Variants in REV1 observed in about 807,000 individuals in gnomAD.
REV1 encodes the protein translesion synthesis protein REV1.
A neutral mutation model predicts 137.4 loss-of-function variants in REV1; 42 were observed. That is an observed-to-expected ratio of 0.31 (90% confidence interval 0.24 to 0.40). The LOEUF (loss-of-function observed/expected upper bound fraction) is 0.40, where lower values mean the gene tolerates loss of function less well. Among genes scored for constraint, REV1 ranks in the 10% least tolerant of loss-of-function variants. The pLI is 1.00. For missense variants in REV1, 1,282 were observed against 1,490.1 expected (o/e 0.86, Z 2.30); for synonymous variants, 524 against 519.2 (o/e 1.01, Z -0.12).
At chr2:99,478,081 A>T (rs1370491251) in intron 1 of REV1, among the ~76,000 whole-genome samples, 1 of 152,066 alleles carries the variant, frequency 6.6e-6, no homozygotes, top group East Asian at 1.9e-4. Flanking sequence ...AAAATACAAA[A>T]ATTAGCCGAG....
At chr2:99,458,930 C>T (rs539122967) in intron 3 of REV1, among the ~76,000 whole-genome samples, 106 of 152,004 alleles carry the variant, frequency 7.0e-4, no homozygotes, top group Non-Finnish European at 1.1e-3. Flanking sequence ...GTGTGGAGGC[C>T]GGGCGCGGTG....
chr2:99,447,522 T>A (rs1012330090), intron 4 of REV1, among the ~76,000 whole-genome samples: 2 of 152,186 alleles, frequency 1.3e-5, no homozygotes, highest in African/African-American at 4.8e-5. Flanking sequence ...TTTGGAATTT[T>A]CTAATAATTG....
At chr2:99,415,073 G>C (rs1459032796) in intron 12 of REV1, among the ~76,000 whole-genome samples, 1 of 152,200 alleles carries the variant, frequency 6.6e-6, no homozygotes, top group Admixed American at 6.5e-5. Context: ...CCGGAGGTGG[G>C]GGAGGGAGGC....
Position 99,404,455 on chromosome 2 carries a change from C to T in REV1, c.3034G>A (p.Ala1012Thr). 1 of 1,613,602 alleles carries T rather than the reference C, an allele frequency of 6.2e-7. No homozygotes were observed. The highest frequency in any genetic ancestry group is 1.1e-5 in the South Asian group (1 of 91,014). ...DAGINLIALP[A>T]FSQVDPEVFA... ...CATATTTAACTTACCTGTGAAAATG[C>T]TGGAAGGGCTATTAAATTTATTCCT... The change falls in exon 18 of 23, where the codon GCA (alanine) becomes ACA (threonine). Residue 1012 changes from alanine to threonine, a missense_variant. This residue lies in a region of REV1 where 23 missense variants were observed against 46.3 expected (regional missense o/e 0.50). Coordinates refer to ENST00000258428, the MANE Select transcript of REV1 (RefSeq NM_016316.4).
chr2:99,479,675 G>A (rs1036641752), intron 1 of REV1, among the ~76,000 whole-genome samples: 3 of 151,918 alleles, frequency 2.0e-5, no homozygotes, highest in Non-Finnish European at 2.9e-5. Flanking sequence ...GCACACACCT[G>A]TAGTCAGGAG....
intron 12 of REV1, 59 bp downstream of exon 12, chr2:99,418,769 G>C: frequency 6.7e-7 from 1 of 1,486,488 alleles, no homozygotes; most frequent in Non-Finnish European, 9.3e-7. Flanking sequence ...CTATATTATA[G>C]ATATGAAAAG....
chr2:99,408,166 T>A, intron 14 of REV1, 35 bp from the exon 15 acceptor site: 1 of 1,295,826 alleles, frequency 7.7e-7, no homozygotes, highest in Non-Finnish European at 1.1e-6. Context: ...AAAAGCTTCA[T>A]TCCATATGTA....
At chr2:99,464,841 CAACTT>C (rs774435284) in intron 2 of REV1, 76 bp downstream of exon 2, 20 of 1,343,502 alleles carry the variant, frequency 1.5e-5, no homozygotes, top group Non-Finnish European at 1.9e-5. Flanking sequence ...ATTTAGAAAA[CAACTT>C]AAACCACATT....
In REV1 at chr2:99,453,930, A is replaced by G. The variant is rs1022767661; in HGVS notation, c.182-4426T>C. Among the ~76,000 whole-genome samples the G allele has an allele frequency of 2.3e-4, 21 of 92,346 alleles. No individual in the cohort carries two copies. In the Admixed American group the frequency reaches 2.8e-3, roughly 12 times the overall value. The allele number at this position is 92,346 out of a possible 152,430, so 60.6% of individuals were successfully genotyped here. On this transcript the variant is annotated intron_variant, in intron 3 of 22. Coordinates refer to ENST00000258428, the MANE Select transcript of REV1 (RefSeq NM_016316.4). ...AAAAAAAAAAAATCAAAATAAAACA[A>G]AACTAGATTCAGGGAAATTCTATCC...
At chr2:99,462,797 G>A in intron 2 of REV1, 175 bp from the exon 3 acceptor site, 2 of 616,526 alleles carry the variant, frequency 3.2e-6, no homozygotes, top group South Asian at 5.2e-5. Context: ...AAATAAAACA[G>A]GAAAGTTGGG....
intron 3 of REV1, among the ~76,000 whole-genome samples, chr2:99,453,798 C>G (rs1251910213): frequency 6.9e-6 from 1 of 144,846 alleles, no homozygotes; most frequent in Non-Finnish European, 1.5e-5. Flanking sequence ...GAGGCTGAGG[C>G]AGGAGAATCC....
At chr2:99,477,076 T>G (rs1230674082) in intron 1 of REV1, among the ~76,000 whole-genome samples, 1 of 78 alleles carries the variant, frequency 0.013, no homozygotes, top group East Asian at 0.17. Flanking sequence ...GAGGGTGGTC[T>G]TGGGACCCCA....
chr2:99,442,354 C>G lies in REV1; in HGVS notation c.466G>C (p.Gly156Arg), dbSNP rs1242698251. 6.2e-7 allele frequency: 1 copy of G among 1,612,568 alleles called. No homozygotes were observed. Among genetic ancestry groups the G allele is most frequent in the Non-Finnish European group, 8.5e-7 (1 of 1,179,420 alleles). The change falls in exon 5 of 23, where the codon GGT becomes CGT. Residue 156 changes from glycine (G) to arginine (R), a missense_variant. Physicochemically the swap from Gly to Arg is moderately radical, Grantham distance 125 (BLOSUM62 -2). This residue lies in a region of REV1 where 432 missense variants were observed against 438.0 expected (regional missense o/e 0.99). Coordinates refer to ENST00000258428, the MANE Select transcript of REV1 (RefSeq NM_016316.4). ...PVCRPEDPLP[G>R]PSNIAKQLNN... ...AGCTGTTTGGCTATATTGCTTGGAC[C>G]TGGCAGAGGATCCTCAGGTCTGCAT...
intron 1 of REV1, among the ~76,000 whole-genome samples, chr2:99,469,581 A>G (rs1685175844): frequency 6.6e-6 from 1 of 152,232 alleles, no homozygotes; most frequent in Admixed American, 6.5e-5. Context: ...TGAGGAGCCC[A>G]GGGATCCTGA....
intron 19 of REV1, chr2:99,403,430 G>A (rs1675790027): frequency 1.8e-6 from 1 of 566,626 alleles, no homozygotes; most frequent in South Asian, 2.4e-5. Context: ...AGCTGAACAA[G>A]TATTTAAGAC....
intron 3 of REV1, among the ~76,000 whole-genome samples, chr2:99,454,550 C>CAAAAAAAAAAAAAAAAAAAAAAAAA (rs373850478): frequency 2.4e-5 from 2 of 82,346 alleles, no homozygotes; most frequent in Non-Finnish European, 4.5e-5. Context: ...AACTCCAGCT[C>CAAAAAAAAAAAAAAAAAAAAAAAAA]AAAAAAAAAA....
At chr2:99,427,565 C>A (rs1284709514) in intron 9 of REV1, among the ~76,000 whole-genome samples, 1 of 152,194 alleles carries the variant, frequency 6.6e-6, no homozygotes, top group Non-Finnish European at 1.5e-5. Context: ...CTGAGCAGAT[C>A]ATCCCCACAA....
In REV1 at chr2:99,424,939, T is replaced by A. The variant is rs1267885046; in HGVS notation, c.1548-659A>T. ...TAAATTTTAAATCTGTGTGTCTCAG[T>A]GCCCCACATTACCTTTGACATTTGG... On this transcript the variant is annotated intron_variant, in intron 9 of 22. Transcript: ENST00000258428. The A allele has an allele frequency of 4.7e-6, 6 of 1,273,544 alleles. No homozygotes were observed. The South Asian group carries it at 7.7e-5, about 16-fold the overall frequency. 78.9% of individuals were successfully genotyped at this position (1,273,544 alleles called of 1,614,324 possible). A position where few individuals can be genotyped will look rare whatever the true frequency, so the allele number is the denominator to read the frequency against.
At chr2:99,452,916 T>C (rs1379384121) in intron 3 of REV1, among the ~76,000 whole-genome samples, 1 of 152,250 alleles carries the variant, frequency 6.6e-6, no homozygotes, top group Admixed American at 6.5e-5. Flanking sequence ...CATCATTTGC[T>C]AGTTACTTGG....
Sources: allele counts gnomAD v4.1 joint callset (sites outside exome capture counted in the v4.1 genomes callset), GRCh38; gene constraint gnomAD v4.1.1; regional missense constraint gnomAD v4.1.1; transcripts MANE v1.5; gene names NCBI Gene and HGNC (gene_info 2026-07-23, HGNC 2026-07-21).